Variants in SCAP observed in about 807,000 individuals in gnomAD.
SCAP encodes sterol regulatory element-binding protein cleavage-activating protein.
In SCAP, 65 loss-of-function variants were observed where a neutral mutation model predicts 123.6. The ratio of observed to expected loss-of-function variants is 0.53; its 90% CI spans 0.43 to 0.65. The LOEUF is 0.65. SCAP is among the 30% of genes least tolerant of loss of function. SCAP has a pLI of 0.00. For synonymous variants in SCAP, 740 were observed against 726.3 expected (o/e 1.02, Z -0.30); for missense variants, 1,398 against 1,712.5 (o/e 0.82, Z 3.24).
At chr3:47,476,678 C>T (rs958004027), upstream of SCAP, among the ~76,000 whole-genome samples, 1 of 152,152 alleles carries the variant, frequency 6.6e-6, no homozygotes, top group Non-Finnish European at 1.5e-5. Context: ...CATGTCCTCG[C>T]ATTTGGCCCT....
Position 47,419,800 on chromosome 3 carries a change from G to T in SCAP, c.1564-96C>A. 1 of 1,419,074 alleles carries T rather than the reference G, an allele frequency of 7.0e-7. No homozygotes were observed. The highest frequency in any genetic ancestry group is 9.4e-7 in the Non-Finnish European group (1 of 1,065,320). The allele number at this position is 1,419,074 out of a possible 1,614,324, so 87.9% of individuals were successfully genotyped here. ...GAGAGGAAGCAGCACAGGGACCTCA[G>T]GCCTGGGGATGGAGAGAGGACACAG... On this transcript the variant is annotated intron_variant, in intron 12 of 22. Coordinates refer to ENST00000265565, the MANE Select transcript of SCAP (RefSeq NM_012235.4). This position sits in a 1 kb window ranked among gnomAD's most constrained non-coding sequence, Gnocchi z 5.0.
intron 1 of SCAP, among the ~76,000 whole-genome samples, chr3:47,466,255 A>G (rs1161729392): frequency 3.3e-5 from 5 of 152,136 alleles, no homozygotes; most frequent in Non-Finnish European, 7.4e-5. Flanking sequence ...GAGGACTCAC[A>G]CTTCCTGATT....
Position 47,425,706 on chromosome 3 carries a change from G to A in SCAP, c.911-95C>T, listed in dbSNP as rs775060706. 125 of 1,382,042 alleles carry A rather than the reference G, an allele frequency of 9.0e-5. 1 individual carries two copies. Among genetic ancestry groups the A allele is most frequent in the Non-Finnish European group, 1.1e-4 (111 of 994,970 alleles). The allele number at this position is 1,382,042 out of a possible 1,614,324, so 85.6% of individuals were successfully genotyped here. ...TAGGTTGCCCTGACAGTCGAGGAAG[G>A]GAAAACTCCTGGTTTCACCAAAGGA... On this transcript the variant is annotated intron_variant, in intron 7 of 22. Transcript: ENST00000265565.
At position 47,422,541 on chromosome 3, in the gene SCAP, A is replaced by G; in HGVS notation, c.1151-5T>C. ...ACCAGCTCTCGCTGCTTAGGCCTGC[A>G]GAGGGCAGCAACAGGGCACAGGGCA... On this transcript the variant is annotated splice_polypyrimidine_tract_variant and splice_region_variant and intron_variant, in intron 9 of 22. Coordinates refer to ENST00000265565, the MANE Select transcript of SCAP (RefSeq NM_012235.4). The G allele has an allele frequency of 6.2e-7, 1 of 1,609,888 alleles. No individual in the cohort carries two copies. Among genetic ancestry groups the G allele is most frequent in the South Asian group, 1.1e-5 (1 of 90,776 alleles).
chr3:47,448,419 G>C (rs1004439403), intron 1 of SCAP, among the ~76,000 whole-genome samples: 3 of 152,086 alleles, frequency 2.0e-5, no homozygotes, highest in African/African-American at 7.2e-5. Context: ...TCTGTGAACA[G>C]AAACATATTT....
rs1189990178 is a variant in SCAP, at chr3:47,451,747, C to CA, written c.-98-8657dup. On this transcript the variant is annotated intron_variant, in intron 1 of 22. Coordinates refer to ENST00000265565, the MANE Select transcript of SCAP (RefSeq NM_012235.4). Reference sequence around the variant, plus strand: ...TATCCCTTTACAATTCACTTTATCTCAGAGGTCAGAGTGGACACAGATTCT... The same window carrying CA: ...TATCCCTTTACAATTCACTTTATCTCAAGAGGTCAGAGTGGACACAGATTCT... 9.8e-5 allele frequency among the ~76,000 whole-genome samples: 12 copies of CA among 123,058 alleles called. 5 individuals carry two copies. In the East Asian group the frequency reaches 3.2e-3, roughly 33 times the overall value. The allele number at this position is 123,058 out of a possible 152,430, so 80.7% of individuals were successfully genotyped here.
At position 47,428,496 on chromosome 3, in the gene SCAP, G is replaced by A. The variant is rs1263259425; in HGVS notation, c.410+17C>T. The A allele has an allele frequency of 5.0e-6, 8 of 1,612,602 alleles. No individual in the cohort carries two copies. The South Asian group carries it at 7.7e-5, about 16-fold the overall frequency. Reference sequence around the variant, plus strand: ...CAGAATGGGATTCAGGGAGGCCAGGGTCCCTGAGAGGGGTACCTGTCTCTC... The same window carrying A: ...CAGAATGGGATTCAGGGAGGCCAGGATCCCTGAGAGGGGTACCTGTCTCTC... On this transcript the variant is annotated intron_variant, in intron 4 of 22. Transcript: ENST00000265565.
intron 2 of SCAP, among the ~76,000 whole-genome samples, chr3:47,437,575 TA>T (rs79094378): frequency 3.0e-3 from 428 of 141,298 alleles, no homozygotes; most frequent in Admixed American, 3.1e-3. Context: ...ACGCCATCCC[TA>T]AAAAAAAAAA....
chr3:47,420,416 T>A lies in SCAP; in HGVS notation c.1563+138A>T. 2.7e-6 allele frequency: 2 copies of A among 750,014 alleles called. No individual in the cohort carries two copies. The highest frequency in any genetic ancestry group is 4.2e-6 in the Non-Finnish European group (2 of 474,172). 46.5% of individuals were successfully genotyped at this position (750,014 alleles called of 1,614,324 possible). ...GGGCAGGGAGGACACAACGGGCAAC[T>A]CCCCAGAGCCAGGCTTCCAGGGGCC... On this transcript the variant is annotated intron_variant, in intron 12 of 22. Transcript: ENST00000265565. This position sits in a 1 kb window ranked among gnomAD's most constrained non-coding sequence, Gnocchi z 5.0.
rs142742550 is a variant in SCAP, at chr3:47,459,947, T to C, written c.-99+15852A>G. Among the ~76,000 whole-genome samples, 161 of 152,274 alleles carry C rather than the reference T, an allele frequency of 1.1e-3. 1 individual carries two copies. Among genetic ancestry groups the C allele is most frequent in the Admixed American group, 3.3e-3 (51 of 15,274 alleles). ...CAGACACTCCCAGAGCGGCCATTTA[T>C]AGACCTCCCACCAGGAATGCATTCC... On this transcript the variant is annotated intron_variant, in intron 1 of 22. Transcript: ENST00000265565.
At chr3:47,421,785 G>A (rs1419770038) in intron 10 of SCAP, among the ~76,000 whole-genome samples, 1 of 148,978 alleles carries the variant, frequency 6.7e-6, no homozygotes, top group African/African-American at 2.6e-5. Context: ...AGCCCTGGGG[G>A]AAAGACGGGC....
At chr3:47,425,695 A>G in intron 7 of SCAP, 84 bp from the exon 8 acceptor site, 1 of 1,471,798 alleles carries the variant, frequency 6.8e-7, no homozygotes, top group Middle Eastern at 1.8e-4. Context: ...TTGCCCTGAC[A>G]GTCGAGGAAG....
chr3:47,442,071 G>A (rs1299586849), intron 2 of SCAP, among the ~76,000 whole-genome samples: 1 of 151,840 alleles, frequency 6.6e-6, no homozygotes, highest in Non-Finnish European at 1.5e-5. Flanking sequence ...ACTGAACAGG[G>A]AGTTCCCTCC....
In SCAP at chr3:47,419,297, G is replaced by A; in HGVS notation, c.1940+31C>T. 1.3e-6 allele frequency: 2 copies of A among 1,581,096 alleles called. No individual in the cohort carries two copies. Among genetic ancestry groups the A allele is most frequent in the Non-Finnish European group, 1.7e-6 (2 of 1,160,884 alleles). On this transcript the variant is annotated intron_variant, in intron 13 of 22. Transcript: ENST00000265565. This position sits in a 1 kb window ranked among gnomAD's most constrained non-coding sequence, Gnocchi z 5.0. ...GGGGATGGTGAGTTGACACCATCGA[G>A]TGAGGTGGCACCTGGCACGGCCCAG...
chr3:47,455,426 C>T (rs80169713), intron 1 of SCAP, among the ~76,000 whole-genome samples: 1 of 151,424 alleles, frequency 6.6e-6, no homozygotes, highest in Non-Finnish European at 1.5e-5. Flanking sequence ...GAAACCCCGT[C>T]TCTACTAAAA....
intron 3 of SCAP, 55 bp downstream of exon 3, chr3:47,434,953 A>T (rs1473116723): frequency 6.2e-7 from 1 of 1,610,738 alleles, no homozygotes; most frequent in Non-Finnish European, 8.5e-7. Context: ...CCCCTGCCTC[A>T]GCCAGTCTCC....
rs543264932 is a variant in SCAP, at chr3:47,461,127, C to T, written c.-99+14672G>A. On this transcript the variant is annotated intron_variant, in intron 1 of 22. Coordinates refer to ENST00000265565, the MANE Select transcript of SCAP (RefSeq NM_012235.4). ...TCTAAGAACCTTTCATCCTGCTCAC[C>T]GCTGGCCCTAAGACTCCCTCCACAC... 3.3e-5 allele frequency among the ~76,000 whole-genome samples: 5 copies of T among 152,144 alleles called. No homozygotes were observed. In the East Asian group the frequency reaches 5.8e-4, roughly 18 times the overall value.
chr3:47,447,427 C>T (rs1005566094), intron 1 of SCAP, among the ~76,000 whole-genome samples: 5 of 152,038 alleles, frequency 3.3e-5, no homozygotes, highest in African/African-American at 4.8e-5. Context: ...CGGTGGCTCA[C>T]GCCTGTAATC....
intron 1 of SCAP, among the ~76,000 whole-genome samples, chr3:47,468,511 GTCT>G (rs2108023063): frequency 6.6e-6 from 1 of 152,318 alleles, no homozygotes; most frequent in Non-Finnish European, 1.5e-5. Flanking sequence ...CTGCATAAAT[GTCT>G]TCTTTTGAGA....
Sources: allele counts gnomAD v4.1 joint callset (sites outside exome capture counted in the v4.1 genomes callset), GRCh38; gene constraint gnomAD v4.1.1; non-coding constraint Gnocchi (gnomAD v3.1); transcripts MANE v1.5; gene names NCBI Gene and HGNC (gene_info 2026-07-23, HGNC 2026-07-21).